The following METTL2A variants were observed in gnomAD, a reference collection of about 807,000 sequenced individuals.
METTL2A encodes the protein methyltransferase 2A, tRNA N3-cytidine.
A neutral mutation model predicts 49.4 loss-of-function variants in METTL2A; 45 were observed. That is an observed-to-expected ratio of 0.91 (90% confidence interval 0.72 to 1.17). METTL2A has a LOEUF of 1.17. Ranked by LOEUF, METTL2A falls within the 50% of genes most tolerant of loss-of-function variation. The pLI, the probability that METTL2A is intolerant of heterozygous loss-of-function variation, is 0.00. For missense variants in METTL2A, 361 were observed against 462.2 expected (o/e 0.78, Z 2.01); for synonymous variants, 118 against 167.5 (o/e 0.70, Z 2.28).
chr17:62,449,709 CAAAAAAATAAAAAT>C lies in METTL2A; in HGVS notation c.*988_*1001del, dbSNP rs2070793226. ...TGGGCAACAAAGCAAGACTCTGTCT[CAAAAAAATAAAAAT>C]AAAAAAAAAATCTTAGTTCCATGGA... On this transcript the variant is annotated 3_prime_UTR_variant, in exon 9 of 9. Coordinates refer to ENST00000311506, the MANE Select transcript of METTL2A (RefSeq NM_181725.4). 1 of 164,908 alleles carries C rather than the reference CAAAAAAATAAAAAT, an allele frequency of 6.1e-6. No homozygotes were observed. The highest frequency in any genetic ancestry group is 1.3e-5 in the Non-Finnish European group (1 of 76,578). 10.2% of individuals were successfully genotyped at this position (164,908 alleles called of 1,614,324 possible).
intron 4 of METTL2A, among the ~76,000 whole-genome samples, chr17:62,428,161 A>AGTCTT (rs2070640919): frequency 6.6e-6 from 1 of 152,220 alleles, no homozygotes; most frequent in African/African-American, 2.4e-5. Flanking sequence ...GCTAGTGTTA[A>AGTCTT]CATTTAGCGC....
At chr17:62,448,477 A>G in intron 8 of METTL2A, 98 bp from the exon 9 acceptor site, 1 of 1,518,172 alleles carries the variant, frequency 6.6e-7, no homozygotes, top group Non-Finnish European at 8.8e-7. Flanking sequence ...AAAACATGAC[A>G]GCAACTTCCC....
intron 7 of METTL2A, among the ~76,000 whole-genome samples, chr17:62,446,519 G>A (rs2070770034): frequency 6.6e-6 from 1 of 151,894 alleles, no homozygotes. Context: ...CACCATGTTG[G>A]TCAGGCTGGT....
intron 4 of METTL2A, among the ~76,000 whole-genome samples, chr17:62,429,616 G>A (rs1240038366): frequency 6.6e-6 from 1 of 151,838 alleles, no homozygotes; most frequent in Non-Finnish European, 1.5e-5. Context: ...TAAGGTTTTT[G>A]GAACTCTGTG....
intron 4 of METTL2A, among the ~76,000 whole-genome samples, chr17:62,428,521 C>T (rs2070643360): frequency 6.6e-6 from 1 of 152,140 alleles, no homozygotes; most frequent in South Asian, 2.1e-4. Flanking sequence ...TGAATCTGGC[C>T]CTCCGTGTTT....
At chr17:62,447,516 T>C (rs1376546950) in intron 7 of METTL2A, among the ~76,000 whole-genome samples, 185 bp from the exon 8 acceptor site, 1 of 151,910 alleles carries the variant, frequency 6.6e-6, no homozygotes, top group Non-Finnish European at 1.5e-5. Context: ...AGTTTTGGAG[T>C]GGGGTGCTTA....
At chr17:62,425,882 T>G (rs1181149808) in intron 2 of METTL2A, among the ~76,000 whole-genome samples, 3 of 150,872 alleles carry the variant, frequency 2.0e-5, no homozygotes, top group Non-Finnish European at 4.4e-5. Context: ...GCGCCTGTAG[T>G]CCCAGCTACT....
Position 62,451,955 on chromosome 17 carries a change from G to C in METTL2A, c.*3226G>C, listed in dbSNP as rs1037846687. Among the ~76,000 whole-genome samples, 1 of 150,924 alleles carries C rather than the reference G, an allele frequency of 6.6e-6. No homozygotes were observed. The highest frequency in any genetic ancestry group is 1.5e-5 in the Non-Finnish European group (1 of 67,890). On this transcript the variant is annotated 3_prime_UTR_variant, in exon 9 of 9. Coordinates refer to ENST00000311506, the MANE Select transcript of METTL2A (RefSeq NM_181725.4). ...GGCGCCTGTAATCCCAGCTATTTGGGAGGGTGGCTCTAGAGAATCATTTGA... is the reference window on the plus strand; with the variant it reads ...GGCGCCTGTAATCCCAGCTATTTGGCAGGGTGGCTCTAGAGAATCATTTGA...
intron 4 of METTL2A, among the ~76,000 whole-genome samples, chr17:62,434,336 C>T (rs1049941293): frequency 6.6e-5 from 10 of 152,150 alleles, no homozygotes; most frequent in Non-Finnish European, 1.0e-4. Flanking sequence ...TCCCAGAAGT[C>T]GTCTGCTCCA....
intron 6 of METTL2A, among the ~76,000 whole-genome samples, chr17:62,443,440 A>G (rs1477201620): frequency 6.6e-6 from 1 of 152,180 alleles, no homozygotes; most frequent in Non-Finnish European, 1.5e-5. Context: ...GACATGGACT[A>G]AAACAAATTA....
At chr17:62,434,610 C>T (rs1296211240) in intron 4 of METTL2A, among the ~76,000 whole-genome samples, 1 of 152,132 alleles carries the variant, frequency 6.6e-6, no homozygotes, top group East Asian at 1.9e-4. Flanking sequence ...TAATTGAAAG[C>T]AATTTTGATG....
intron 4 of METTL2A, among the ~76,000 whole-genome samples, chr17:62,428,701 C>A (rs1302170176): frequency 1.3e-5 from 2 of 152,214 alleles, no homozygotes; most frequent in Admixed American, 1.3e-4. Context: ...GAGGATCTCA[C>A]GCTCAGGAGC....
At chr17:62,440,906 A>G in intron 6 of METTL2A, 150 bp downstream of exon 6, 4 of 1,110,924 alleles carry the variant, frequency 3.6e-6, no homozygotes, top group South Asian at 3.2e-5. Flanking sequence ...CTTGGGCTTA[A>G]ATGATCCTCC....
In METTL2A at chr17:62,448,370, G is replaced by GA. The variant is rs1486559303; in HGVS notation, c.983-199dup. Reference sequence around the variant, plus strand: ...ATATAAACCAAAGGTTTTTAAAAAAGAAAAAACCGCGGCCCATACGCAGTG... The same window carrying GA: ...ATATAAACCAAAGGTTTTTAAAAAAGAAAAAAACCGCGGCCCATACGCAGTG... On this transcript the variant is annotated intron_variant, in intron 8 of 8. Coordinates refer to ENST00000311506, the MANE Select transcript of METTL2A (RefSeq NM_181725.4). Among the ~76,000 whole-genome samples, 5 of 152,062 alleles carry GA rather than the reference G, an allele frequency of 3.3e-5. 1 individual carries two copies. In the South Asian group the frequency reaches 1.0e-3, roughly 32 times the overall value.
chr17:62,424,946 C>T (rs1321012846), intron 2 of METTL2A, among the ~76,000 whole-genome samples: 2 of 150,790 alleles, frequency 1.3e-5, no homozygotes, highest in Admixed American at 6.7e-5. Context: ...ATTTAGTACC[C>T]GCTGAAAGAG....
intron 5 of METTL2A, among the ~76,000 whole-genome samples, chr17:62,436,267 C>T (rs1237367137): frequency 1.3e-5 from 2 of 150,706 alleles, no homozygotes; most frequent in African/African-American, 2.4e-5. Flanking sequence ...CATTATTGGT[C>T]GGCCACAATG....
chr17:62,442,600 G>T (rs1430795893), intron 6 of METTL2A, among the ~76,000 whole-genome samples: 1 of 152,160 alleles, frequency 6.6e-6, no homozygotes, highest in Non-Finnish European at 1.5e-5. Flanking sequence ...TCTCAAGGAA[G>T]CAGAGTCAGA....
chr17:62,446,157 C>A (rs1461221929), intron 7 of METTL2A, among the ~76,000 whole-genome samples: 1 of 151,448 alleles, frequency 6.6e-6, no homozygotes, highest in African/African-American at 2.5e-5. Flanking sequence ...GAAATTGTTA[C>A]AGCCTTTTTT....
intron 5 of METTL2A, among the ~76,000 whole-genome samples, chr17:62,436,556 A>AG (rs2070701623): frequency 6.6e-6 from 1 of 152,170 alleles, no homozygotes; most frequent in South Asian, 2.1e-4. Flanking sequence ...TCTCAAAAAA[A>AG]AGAGAGAGAA....
Sources: allele counts gnomAD v4.1 joint callset (sites outside exome capture counted in the v4.1 genomes callset), GRCh38; gene constraint gnomAD v4.1.1; transcripts MANE v1.5; gene names NCBI Gene and HGNC (gene_info 2026-07-23, HGNC 2026-07-21).